Variants in NEGR1 observed in about 807,000 individuals in gnomAD.
NEGR1 encodes IgLON family member 4.
In NEGR1, 10 loss-of-function variants were observed where a neutral mutation model predicts 40.9. The observed-to-expected ratio is 0.24, with a 90% CI of 0.15 to 0.42. The LOEUF (loss-of-function observed/expected upper bound fraction) is 0.42, where lower values mean the gene tolerates loss of function less well. Among genes scored for constraint, NEGR1 ranks in the 10% least tolerant of loss-of-function variants. The probability of loss-of-function intolerance (pLI) is 1.00; values close to 1 mark genes in which losing one functional copy is unlikely to be tolerated. For synonymous variants in NEGR1, 185 were observed against 166.8 expected, an observed-to-expected ratio of 1.11 and a Z score of -0.84; for missense variants, 352 against 438.9, an observed-to-expected ratio of 0.80 and a Z score of 1.77.
intron 1 of NEGR1, among the ~76,000 whole-genome samples, chr1:72,143,966 G>T (rs578078864): frequency 7.6e-6 from 1 of 131,750 alleles, no homozygotes; most frequent in Non-Finnish European, 1.7e-5. Context: ...TTTCAACTGG[G>T]GAGAGATTTG....
intron 3 of NEGR1, among the ~76,000 whole-genome samples, chr1:71,771,437 T>G (rs1656318598): frequency 6.6e-6 from 1 of 151,786 alleles, no homozygotes; most frequent in South Asian, 2.1e-4. Flanking sequence ...CCCCAGAACT[T>G]AAAGTATCAT....
intron 1 of NEGR1, among the ~76,000 whole-genome samples, chr1:72,001,519 C>T (rs1481636724): frequency 6.6e-6 from 1 of 151,220 alleles, no homozygotes; most frequent in East Asian, 1.9e-4. Context: ...ATCATAAGAT[C>T]CTGGCATGTG....
chr1:71,476,059 G>A (rs1380063159), intron 6 of NEGR1, among the ~76,000 whole-genome samples: 1 of 151,766 alleles, frequency 6.6e-6, no homozygotes, highest in African/African-American at 2.4e-5. Flanking sequence ...TTCTGATGTG[G>A]GTTTTTTCTT....
chr1:72,251,088 T>C (rs558417365), intron 1 of NEGR1, among the ~76,000 whole-genome samples: 150 of 152,224 alleles, frequency 9.9e-4, no homozygotes, highest in African/African-American at 3.2e-3. Context: ...TTTGGCAAAA[T>C]AGAAAATGTG....
chr1:72,207,953 G>A (rs1481161555), intron 1 of NEGR1, among the ~76,000 whole-genome samples: 2 of 151,606 alleles, frequency 1.3e-5, no homozygotes, highest in African/African-American at 4.8e-5. Flanking sequence ...ACTGATAAAG[G>A]TGACGATTTA....
In NEGR1 at chr1:72,093,673, G is replaced by A. The variant is rs555080502; in HGVS notation, c.177-158362C>T. 1.7e-4 allele frequency among the ~76,000 whole-genome samples: 26 copies of A among 152,054 alleles called. No individual in the cohort carries two copies. In the East Asian group the frequency reaches 1.7e-3, roughly 10 times the overall value. On this transcript the variant is annotated intron_variant, in intron 1 of 6. Coordinates refer to ENST00000357731, the MANE Select transcript of NEGR1 (RefSeq NM_173808.3). ...CTTCTTTTTTTTAACCTAGAAATATGTTCAAAAAATAGTGAGTCTCATTTA... is the reference window on the plus strand; with the variant it reads ...CTTCTTTTTTTTAACCTAGAAATATATTCAAAAAATAGTGAGTCTCATTTA...
At chr1:72,094,092 A>T (rs1648604867) in intron 1 of NEGR1, among the ~76,000 whole-genome samples, 1 of 152,176 alleles carries the variant, frequency 6.6e-6, no homozygotes, top group African/African-American at 2.4e-5. Context: ...AAAAGATCAG[A>T]CATGGCCTTA....
intron 1 of NEGR1, among the ~76,000 whole-genome samples, chr1:72,064,814 C>T (rs1471156354): frequency 1.3e-5 from 2 of 152,044 alleles, no homozygotes; most frequent in East Asian, 3.9e-4. Context: ...ATTCCTACAG[C>T]AAACCTTGAG....
intron 1 of NEGR1, among the ~76,000 whole-genome samples, chr1:72,001,491 G>T (rs958343650): frequency 1.3e-5 from 2 of 149,796 alleles, no homozygotes; most frequent in African/African-American, 2.5e-5. Context: ...CACTCTTTAG[G>T]GTCAAATTTG....
intron 2 of NEGR1, among the ~76,000 whole-genome samples, chr1:71,804,036 T>G (rs922407349): frequency 2.0e-5 from 3 of 152,048 alleles, no homozygotes; most frequent in Admixed American, 1.3e-4. Context: ...CATTAAATAT[T>G]TTTATTAAAT....
rs138149524 is a variant in NEGR1, at chr1:71,602,540, C to T, written c.788+8486G>A. Among the ~76,000 whole-genome samples, 420 of 152,118 alleles carry T rather than the reference C, an allele frequency of 2.8e-3. 2 individuals carry two copies. Among genetic ancestry groups the T allele is most frequent in the African/African-American group, 9.7e-3 (403 of 41,528 alleles). On this transcript the variant is annotated intron_variant, in intron 5 of 6. Transcript: ENST00000357731. Reference sequence around the variant, plus strand: ...TGCTGGGATTACAGGCGTGAGCCACCGCGCCCGGCCGCCCATGATTATTCT... The same window carrying T: ...TGCTGGGATTACAGGCGTGAGCCACTGCGCCCGGCCGCCCATGATTATTCT...
At chr1:72,071,497 A>T (rs758976884) in intron 1 of NEGR1, among the ~76,000 whole-genome samples, 1 of 152,064 alleles carries the variant, frequency 6.6e-6, no homozygotes, top group Non-Finnish European at 1.5e-5. Context: ...AATGTAAATC[A>T]ATGTTCATCC....
At chr1:71,808,322 T>C (rs1036826080) in intron 2 of NEGR1, among the ~76,000 whole-genome samples, 1 of 152,110 alleles carries the variant, frequency 6.6e-6, no homozygotes, top group Non-Finnish European at 1.5e-5. Context: ...TTACATTCTG[T>C]TTGAAATAAC....
chr1:71,647,238 C>G (rs2101578931), intron 4 of NEGR1, among the ~76,000 whole-genome samples: 1 of 151,852 alleles, frequency 6.6e-6, no homozygotes, highest in South Asian at 2.1e-4. Flanking sequence ...TCTTGAGAAC[C>G]AACTGGGTCC....
chr1:71,675,809 T>TTG (rs1652611788), intron 4 of NEGR1, among the ~76,000 whole-genome samples: 1 of 150,454 alleles, frequency 6.6e-6, no homozygotes, highest in Admixed American at 6.6e-5. Flanking sequence ...TTTTGTTTTT[T>TTG]TTTTCCTTAA....
At chr1:71,922,229 C>T (rs527406473) in intron 2 of NEGR1, among the ~76,000 whole-genome samples, 1 of 152,180 alleles carries the variant, frequency 6.6e-6, no homozygotes, top group Non-Finnish European at 1.5e-5. Flanking sequence ...CCGCCTGTGA[C>T]AATAAGAGAG....
chr1:72,139,353 A>C (rs912442660), intron 1 of NEGR1, among the ~76,000 whole-genome samples: 8 of 151,936 alleles, frequency 5.3e-5, no homozygotes, highest in African/African-American at 1.9e-4. Context: ...ACAACAAACA[A>C]AAGTTAGTGA....
In NEGR1 at chr1:72,050,323, T is replaced by C. The variant is rs905840996; in HGVS notation, c.177-115012A>G. Among the ~76,000 whole-genome samples the C allele has an allele frequency of 3.3e-5, 5 of 151,592 alleles. No homozygotes were observed. In the Admixed American group the frequency reaches 3.3e-4, roughly 10 times the overall value. ...TAATGCAGTTAAATAATAAATTTCA[T>C]TTAAATGTATTTTTAAATCACAAAT... On this transcript the variant is annotated intron_variant, in intron 1 of 6. Transcript: ENST00000357731.
chr1:71,489,256 A>G (rs1279487352), intron 6 of NEGR1, among the ~76,000 whole-genome samples: 1 of 151,802 alleles, frequency 6.6e-6, no homozygotes, highest in African/African-American at 2.4e-5. Context: ...TCTCCCAGGT[A>G]GATTGGAGGT....
Sources: gnomAD v4.1 joint callset for allele counts (sites outside exome capture counted in the v4.1 genomes callset) on GRCh38, gnomAD v4.1.1 for gene constraint, MANE v1.5 for transcripts, NCBI Gene and HGNC (gene_info 2026-07-23, HGNC 2026-07-21) for gene names.